The following MYCBP2 variants were observed in gnomAD, a reference collection of about 807,000 sequenced individuals.
MYCBP2 encodes MYC binding protein 2, also known as E3 ubiquitin-protein ligase MYCBP2.
In MYCBP2, 120 loss-of-function variants were observed where a neutral mutation model predicts 525.3. That is an observed-to-expected ratio of 0.23 (90% CI 0.20 to 0.27). The LOEUF (loss-of-function observed/expected upper bound fraction) is 0.27, where lower values mean the gene tolerates loss of function less well. MYCBP2 is among the 10% of genes least tolerant of loss of function. The pLI, the probability that MYCBP2 is intolerant of heterozygous loss-of-function variation, is 1.00. For missense variants in MYCBP2, 4,149 were observed against 5,657.1 expected (o/e 0.73, Z 8.55); for synonymous variants, 1,894 against 1,955.8 (o/e 0.97, Z 0.83).
At position 77,044,804 on chromosome 13, in the gene MYCBP2, T is replaced by C. The variant is rs963470889; in HGVS notation, c.*574A>G. ...ACTTAACCTAGAAGTTTAAATGAAA[T>C]TGCATTTGTAATTTAGTAATTCTTA... On this transcript the variant is annotated 3_prime_UTR_variant, in exon 83 of 83. Transcript: ENST00000544440. 1 of 398,898 alleles carries C rather than the reference T, an allele frequency of 2.5e-6. No individual in the cohort carries two copies. Among genetic ancestry groups the C allele is most frequent in the East Asian group, 3.6e-5 (1 of 28,022 alleles). The allele number at this position is 398,898 out of a possible 1,614,324, so 24.7% of individuals were successfully genotyped here. A position where few individuals can be genotyped will look rare whatever the true frequency, so the allele number is the denominator to read the frequency against.
In MYCBP2 at chr13:77,064,499, G is replaced by T. The variant is rs2039881155; in HGVS notation, c.12672+116C>A. ...ACTTTTTCAATAAATACGGTATTTG[G>T]TTAAAAAATAATTATGTTGACTTAG... On this transcript the variant is annotated intron_variant, in intron 73 of 82. Transcript: ENST00000544440. 9 of 1,189,636 alleles carry T rather than the reference G, an allele frequency of 7.6e-6. No individual in the cohort carries two copies. The South Asian group carries it at 1.5e-4, about 20-fold the overall frequency. The allele number at this position is 1,189,636 out of a possible 1,614,324, so 73.7% of individuals were successfully genotyped here. A position where few individuals can be genotyped will look rare whatever the true frequency, so the allele number is the denominator to read the frequency against.
At chr13:77,296,790 C>A (rs1309465161) in intron 1 of MYCBP2, 116 bp from the exon 2 acceptor site, 2 of 827,122 alleles carry the variant, frequency 2.4e-6, no homozygotes, top group Admixed American at 3.6e-5. Context: ...TGCAAAATTT[C>A]TTTATGTGAA....
At chr13:77,121,303 G>A in intron 55 of MYCBP2, 70 bp downstream of exon 55, 2 of 1,294,410 alleles carry the variant, frequency 1.5e-6, no homozygotes, top group South Asian at 4.4e-5. Context: ...CAAATAAAAA[G>A]TGTATAAAAG....
chr13:77,261,348 G>C lies in MYCBP2; in HGVS notation c.1675C>G (p.Leu559Val). 1 of 1,609,782 alleles carries C rather than the reference G, an allele frequency of 6.2e-7. No individual in the cohort carries two copies. The change falls in exon 12 of 83, where the codon CTT (leucine) becomes GTT (valine). Residue 559 changes from leucine (L) to valine (V), a missense_variant. Leu to Val is a conservative substitution (Grantham distance 32). This residue lies in a region of MYCBP2 where 262 missense variants were observed against 419.3 expected (regional missense o/e 0.62). Transcript: ENST00000544440. ...KIYYTGKYQS[L>V]GIKQGGPSAG... ...GAAGGACCACCTTGTTTGATTCCAA[G>C]ACTCTGGTATTTGCCAGTGTAATAT...
chr13:77,076,659 T>C (rs2042355486), intron 68 of MYCBP2, 92 bp downstream of exon 68: 6 of 707,446 alleles, frequency 8.5e-6, no homozygotes, highest in East Asian at 8.4e-5. Context: ...TGTTATTACA[T>C]ATCCATCAAA....
chr13:77,132,093 T>C (rs761479690), intron 52 of MYCBP2, among the ~76,000 whole-genome samples: 17 of 152,140 alleles, frequency 1.1e-4, no homozygotes, highest in Non-Finnish European at 2.2e-4. Context: ...TCTCATTCTG[T>C]TTACGAAACT....
intron 18 of MYCBP2, among the ~76,000 whole-genome samples, chr13:77,232,639 T>A (rs546692577): frequency 1.0e-3 from 159 of 152,320 alleles, no homozygotes; most frequent in Non-Finnish European, 1.9e-3. Flanking sequence ...TTATCTCTAC[T>A]TAACCCACAA....
At chr13:77,221,579 T>G (rs920243358) in intron 20 of MYCBP2, among the ~76,000 whole-genome samples, 2 of 152,170 alleles carry the variant, frequency 1.3e-5, no homozygotes, top group Non-Finnish European at 2.9e-5. Flanking sequence ...TTGCCAATTA[T>G]TTTCTGTGAA....
chr13:77,248,689 T>A (rs1426453918), intron 15 of MYCBP2, among the ~76,000 whole-genome samples: 1 of 151,860 alleles, frequency 6.6e-6, no homozygotes, highest in Non-Finnish European at 1.5e-5. Context: ...TTGGCCGCTG[T>A]GAAAAATAGT....
At chr13:77,057,834 C>CTTTTTT (rs11419165) in intron 78 of MYCBP2, among the ~76,000 whole-genome samples, 3 of 121,106 alleles carry the variant, frequency 2.5e-5, no homozygotes, top group Admixed American at 8.3e-5. Context: ...CAATCAACTG[C>CTTTTTT]TTTTTTTTTT....
intron 82 of MYCBP2, among the ~76,000 whole-genome samples, chr13:77,046,081 A>G (rs1485741073): frequency 1.3e-5 from 2 of 152,238 alleles, no homozygotes; most frequent in African/African-American, 2.4e-5. Context: ...ACAATGTTAT[A>G]AAATACAATG....
intron 27 of MYCBP2, among the ~76,000 whole-genome samples, chr13:77,193,913 C>T (rs2061519078): frequency 6.6e-6 from 1 of 151,984 alleles, no homozygotes; most frequent in Non-Finnish European, 1.5e-5. Context: ...ATGCATATTT[C>T]CATTTTTATC....
At chr13:77,175,750 C>T (rs149113191) in intron 36 of MYCBP2, among the ~76,000 whole-genome samples, 1,768 of 152,178 alleles carry the variant, frequency 0.012, 40 homozygotes, top group African/African-American at 0.04. Context: ...CACTTGAGGG[C>T]AGGAGTTCGA....
At chr13:77,297,325 G>A (rs1169012996) in intron 1 of MYCBP2, among the ~76,000 whole-genome samples, 1 of 152,238 alleles carries the variant, frequency 6.6e-6, no homozygotes, top group Non-Finnish European at 1.5e-5. Flanking sequence ...TCACCATGCT[G>A]AGATGCAAAG....
At chr13:77,180,599 A>T (rs1400425291) in intron 33 of MYCBP2, among the ~76,000 whole-genome samples, 2 of 152,212 alleles carry the variant, frequency 1.3e-5, no homozygotes, top group Non-Finnish European at 2.9e-5. Context: ...ACAATTCTAT[A>T]TGACAGACAG....
rs1402205071 is a variant in MYCBP2, at chr13:77,098,620, G to A, written c.8534C>T (p.Pro2845Leu). Residue 2845 changes from proline (P) to leucine (L), a missense_variant, in exon 56 of 83, where the codon CCA becomes CTA. This residue lies in a region of MYCBP2 where 653 missense variants were observed against 744.7 expected (regional missense o/e 0.88). Coordinates refer to ENST00000544440, the MANE Select transcript of MYCBP2 (RefSeq NM_015057.5). Reference protein sequence around the residue: ...SGASSPRSSSPHDKNLPQKST... With the variant: ...SGASSPRSSSLHDKNLPQKST... Reference sequence around the variant, plus strand: ...TTTTTGAGGTAGATTTTTATCATGTGGTGAGGAGGAGCGTGGAGAACTAGC... The same window carrying A: ...TTTTTGAGGTAGATTTTTATCATGTAGTGAGGAGGAGCGTGGAGAACTAGC... 1.2e-6 allele frequency: 2 copies of A among 1,613,540 alleles called. No homozygotes were observed. Among genetic ancestry groups the A allele is most frequent in the Non-Finnish European group, 1.7e-6 (2 of 1,179,796 alleles).
chr13:77,166,569 CAAAGTGACATGA>C lies in MYCBP2; in HGVS notation c.6115-27_6115-16del. The C allele has an allele frequency of 6.3e-7, 1 of 1,580,694 alleles. No homozygotes were observed. Among genetic ancestry groups the C allele is most frequent in the South Asian group, 1.1e-5 (1 of 89,288 alleles). ...GGGAATGTCACCTGAGGTCAACAGGCAAAGTGACATGAATACAGATATATATATACACAAACA... is the reference window on the plus strand; with the variant it reads ...GGGAATGTCACCTGAGGTCAACAGGCATACAGATATATATATACACAAACA... On this transcript the variant is annotated splice_polypyrimidine_tract_variant and intron_variant, in intron 40 of 82. Transcript: ENST00000544440.
chr13:77,225,612 A>C (rs2154296095), intron 18 of MYCBP2, 58 bp from the exon 19 acceptor site: 5 of 1,594,034 alleles, frequency 3.1e-6, no homozygotes, highest in Non-Finnish European at 4.3e-6. Context: ...TCAAAATAAA[A>C]ATTTAAATCA....
intron 34 of MYCBP2, 76 bp downstream of exon 34, chr13:77,180,051 A>G: frequency 7.9e-7 from 1 of 1,267,066 alleles, no homozygotes; most frequent in Non-Finnish European, 1.1e-6. Context: ...CACAAAGCCA[A>G]AATAGTTGAA....
Sources: allele counts gnomAD v4.1 joint callset (sites outside exome capture counted in the v4.1 genomes callset), GRCh38; gene constraint gnomAD v4.1.1; regional missense constraint gnomAD v4.1.1; transcripts MANE v1.5; gene names NCBI Gene and HGNC (gene_info 2026-07-23, HGNC 2026-07-21).